Variants in JAM3 observed in about 807,000 individuals in gnomAD.
JAM3 encodes the protein junctional adhesion molecule 3, also known as junctional adhesion molecule C.
In JAM3, 31 loss-of-function variants were observed where a neutral mutation model predicts 39.4. The ratio of observed to expected loss-of-function variants is 0.79; its 90% CI spans 0.59 to 1.06. JAM3 has a LOEUF of 1.06. Among genes scored for constraint, JAM3 ranks in the 50% least tolerant of loss-of-function variants. The pLI is 0.00. For synonymous variants in JAM3, 182 were observed against 148.7 expected, an observed-to-expected ratio of 1.22 and a Z score of -1.63; for missense variants, 455 against 391.4, an observed-to-expected ratio of 1.16 and a Z score of -1.37.
chr11:134,131,617 A>G (rs1244954704), intron 1 of JAM3, among the ~76,000 whole-genome samples: 1 of 152,238 alleles, frequency 6.6e-6, no homozygotes, highest in African/African-American at 2.4e-5. Context: ...GGCAGCACAG[A>G]TATTGGACTT....
At chr11:134,140,873 G>A in intron 3 of JAM3, 103 bp downstream of exon 3, 1 of 1,414,664 alleles carries the variant, frequency 7.1e-7, no homozygotes, top group Non-Finnish European at 9.5e-7. Flanking sequence ...ACCTGCATCT[G>A]TAGCTAGGAC....
chr11:134,135,100 C>G (rs939262894), intron 1 of JAM3, among the ~76,000 whole-genome samples: 1 of 152,010 alleles, frequency 6.6e-6, no homozygotes, highest in African/African-American at 2.4e-5. Flanking sequence ...TTTCTCTATG[C>G]GTTCTTCCAA....
At chr11:134,147,078 T>C (rs1943087063) in intron 6 of JAM3, among the ~76,000 whole-genome samples, 1 of 152,124 alleles carries the variant, frequency 6.6e-6, no homozygotes, top group Non-Finnish European at 1.5e-5. Context: ...TGCTCTAGGG[T>C]TGTTTTCTCC....
intron 1 of JAM3, among the ~76,000 whole-genome samples, chr11:134,077,735 A>G (rs1941596282): frequency 7.2e-6 from 1 of 139,098 alleles, no homozygotes; most frequent in African/African-American, 2.8e-5. Context: ...CTCGGAAATC[A>G]CTGCAACCTC....
intron 1 of JAM3, among the ~76,000 whole-genome samples, chr11:134,108,815 T>G (rs470953): frequency 6.6e-6 from 1 of 151,748 alleles, no homozygotes; most frequent in African/African-American, 2.4e-5. Flanking sequence ...ACAACAGAGG[T>G]AAATCAATAA....
chr11:134,110,798 A>G (rs1453912148), intron 1 of JAM3, among the ~76,000 whole-genome samples: 1 of 152,148 alleles, frequency 6.6e-6, no homozygotes, highest in East Asian at 1.9e-4. Context: ...TATATGCTAA[A>G]TTTTATCGAA....
Position 134,144,909 on chromosome 11 carries a change from A to G in JAM3, c.527A>G (p.Asn176Ser), listed in dbSNP as rs1289241125. ...HPRPHYSWYRNDVPLPTDSRA... is the reference protein window; with the variant it reads ...HPRPHYSWYRSDVPLPTDSRA... Reference sequence around the variant, plus strand: ...CGGCCTCACTACAGCTGGTATCGCAATGATGTACCACTGCCCACGGATTCC... The same window carrying G: ...CGGCCTCACTACAGCTGGTATCGCAGTGATGTACCACTGCCCACGGATTCC... The change falls in exon 5 of 9, where the codon AAT becomes AGT. Residue 176 changes from asparagine (N) to serine (S), a missense_variant. By Grantham distance (46) the Asn-to-Ser change is conservative. Coordinates refer to ENST00000299106, the MANE Select transcript of JAM3 (RefSeq NM_032801.5). The G allele has an allele frequency of 3.1e-6, 5 of 1,614,036 alleles. No individual in the cohort carries two copies. The highest frequency in any genetic ancestry group is 4.5e-5 in the East Asian group (2 of 44,882).
intron 1 of JAM3, among the ~76,000 whole-genome samples, chr11:134,137,100 G>A (rs1272624214): frequency 2.1e-5 from 3 of 146,002 alleles, no homozygotes; most frequent in Non-Finnish European, 3.0e-5. Context: ...CTGACAGAGC[G>A]AGACTCTGTC....
Position 134,144,250 on chromosome 11 carries a change from C to T in JAM3, c.266C>T (p.Ala89Val), listed in dbSNP as rs189148616. The T allele has an allele frequency of 3.2e-5, 51 of 1,613,988 alleles. No individual in the cohort carries two copies. In the East Asian group the frequency reaches 8.2e-4, roughly 26 times the overall value. The change falls in exon 4 of 9, where the codon GCG (alanine) becomes GTG (valine). Residue 89 changes from alanine to valine, a missense_variant. By Grantham distance (64) the Ala-to-Val change is moderately conservative. Coordinates refer to ENST00000299106, the MANE Select transcript of JAM3 (RefSeq NM_032801.5). ...CGTGTCTTTTCTGTAGGAGACTTGG[C>T]GGGTCGTGCAGAAATACTGGGGAAG... ...FFDNKIQGDL[A>V]GRAEILGKTS...
At position 134,149,388 on chromosome 11, in the gene JAM3, T is replaced by TA. The variant is rs1346887476; in HGVS notation, c.*208dup. ...TTTTCCTCAAGATGGACCCGGTAAA[T>TA]ATAACCACAAGGAAGCGAAACTGGG... On this transcript the variant is annotated 3_prime_UTR_variant, in exon 9 of 9. Coordinates refer to ENST00000299106, the MANE Select transcript of JAM3 (RefSeq NM_032801.5). The TA allele has an allele frequency of 6.2e-6, 4 of 645,202 alleles. No individual in the cohort carries two copies. In the African/African-American group the frequency reaches 7.2e-5, roughly 12 times the overall value. The allele number at this position is 645,202 out of a possible 1,614,324, so 40.0% of individuals were successfully genotyped here.
intron 1 of JAM3, among the ~76,000 whole-genome samples, chr11:134,076,156 T>C (rs562959481): frequency 0.11 from 15,567 of 142,562 alleles, 711 homozygotes; most frequent in Middle Eastern, 0.15. Flanking sequence ...TCTTTCTTTT[T>C]TTTTTTTTTT....
At chr11:134,138,399 C>A (rs909491062) in intron 1 of JAM3, among the ~76,000 whole-genome samples, 7 of 114,740 alleles carry the variant, frequency 6.1e-5, no homozygotes, top group Non-Finnish European at 9.0e-5. Flanking sequence ...GGTGTCTCGT[C>A]GAAGTCGTGG....
intron 1 of JAM3, among the ~76,000 whole-genome samples, chr11:134,090,749 G>T (rs890635698): frequency 6.6e-6 from 1 of 152,016 alleles, no homozygotes; most frequent in Non-Finnish European, 1.5e-5. Flanking sequence ...AACTACTAAA[G>T]TGTTGGAAAC....
At chr11:134,140,522 C>T in intron 2 of JAM3, 135 bp from the exon 3 acceptor site, 2 of 745,214 alleles carry the variant, frequency 2.7e-6, no homozygotes, top group Admixed American at 3.9e-5. Flanking sequence ...CTCAAAGTCT[C>T]TTGGAGTGTG....
chr11:134,137,226 A>C (rs1942883387), intron 1 of JAM3, among the ~76,000 whole-genome samples: 1 of 152,232 alleles, frequency 6.6e-6, no homozygotes, highest in Non-Finnish European at 1.5e-5. Flanking sequence ...TGTAAGAAAC[A>C]AATTGGTTTA....
chr11:134,142,931 T>C (rs950785930), intron 3 of JAM3, among the ~76,000 whole-genome samples: 1 of 152,236 alleles, frequency 6.6e-6, no homozygotes, highest in Non-Finnish European at 1.5e-5. Context: ...GTGTCCGTAC[T>C]TCATTTCTTT....
At chr11:134,079,992 C>CT (rs149112662) in intron 1 of JAM3, among the ~76,000 whole-genome samples, 10 of 148,020 alleles carry the variant, frequency 6.8e-5, no homozygotes, top group South Asian at 2.1e-4. Flanking sequence ...TTGTTTTGTT[C>CT]TTTTTTTTGT....
Position 134,149,817 on chromosome 11 carries a change from C to A in JAM3, c.*636C>A. On this transcript the variant is annotated 3_prime_UTR_variant, in exon 9 of 9. Coordinates refer to ENST00000299106, the MANE Select transcript of JAM3 (RefSeq NM_032801.5). ...GAGGGATCTTGCCTGAGGAACCCTG[C>A]TTGTCCAACAGGGTGTCAGGATTTA... The A allele has an allele frequency of 2.7e-6, 1 of 374,134 alleles. No individual in the cohort carries two copies. Among genetic ancestry groups the A allele is most frequent in the Non-Finnish European group, 5.4e-6 (1 of 186,280 alleles). 23.2% of individuals were successfully genotyped at this position (374,134 alleles called of 1,614,324 possible).
chr11:134,102,359 T>C (rs935246970), intron 1 of JAM3, among the ~76,000 whole-genome samples: 1 of 152,068 alleles, frequency 6.6e-6, no homozygotes, highest in Non-Finnish European at 1.5e-5. Context: ...CAAAACCCCA[T>C]CTGTATGTCA....
Sources: allele counts gnomAD v4.1 joint callset (sites outside exome capture counted in the v4.1 genomes callset), GRCh38; gene constraint gnomAD v4.1.1; transcripts MANE v1.5; gene names NCBI Gene and HGNC (gene_info 2026-07-23, HGNC 2026-07-21).